Variants in EDIL3 observed in about 807,000 individuals in gnomAD.
The protein encoded by EDIL3 is EGF like and discoidin domains 3.
EDIL3 carries 37 observed loss-of-function variants against 67.4 expected under a neutral mutation model. The ratio of observed to expected loss-of-function variants is 0.55; its 90% CI spans 0.42 to 0.72. EDIL3 has a LOEUF of 0.72. Among genes scored for constraint, EDIL3 ranks in the 30% least tolerant of loss-of-function variants. EDIL3 has a pLI of 0.00. For synonymous variants in EDIL3, 195 were observed against 196.3 expected (o/e 0.99, Z 0.05); for missense variants, 527 against 586.3 (o/e 0.90, Z 1.04).
intron 6 of EDIL3, among the ~76,000 whole-genome samples, chr5:84,080,038 G>A (rs1746933011): frequency 2.0e-5 from 3 of 147,386 alleles, no homozygotes; most frequent in African/African-American, 5.0e-5. Flanking sequence ...TTGGGAGGCC[G>A]AGGCGGGCGG....
Position 84,217,719 on chromosome 5 carries a change from CAA to C in EDIL3, c.226+12134_226+12135del, listed in dbSNP as rs1491443890. Among the ~76,000 whole-genome samples, 484 of 127,050 alleles carry C rather than the reference CAA, an allele frequency of 3.8e-3. 2 individuals carry two copies. Among genetic ancestry groups the C allele is most frequent in the African/African-American group, 0.015 (461 of 31,162 alleles). 83.3% of individuals were successfully genotyped at this position (127,050 alleles called of 152,430 possible). On this transcript the variant is annotated intron_variant, in intron 3 of 10. Coordinates refer to ENST00000296591, the MANE Select transcript of EDIL3 (RefSeq NM_005711.5). The stretch of plus-strand genomic sequence containing the variant: ...CTTACCCATCTATCTATTATACACA[CAA>C]ACACACACACACACACACACACACA...
rs192566040 is a variant in EDIL3, at chr5:83,970,078, G to C, written c.1138-6718C>G. On this transcript the variant is annotated intron_variant, in intron 9 of 10. Coordinates refer to ENST00000296591, the MANE Select transcript of EDIL3 (RefSeq NM_005711.5). ...AACTTCCCAGTCTGTAGTATCCTCTGTTCTACTTTTTACTTCTATGAGATC... is the reference window on the plus strand; with the variant it reads ...AACTTCCCAGTCTGTAGTATCCTCTCTTCTACTTTTTACTTCTATGAGATC... Among the ~76,000 whole-genome samples the C allele has an allele frequency of 4.0e-5, 6 of 151,494 alleles. No individual in the cohort carries two copies. The East Asian group carries it at 9.7e-4, about 25-fold the overall frequency.
intron 9 of EDIL3, among the ~76,000 whole-genome samples, chr5:83,994,025 A>G (rs144411811): frequency 6.6e-6 from 1 of 152,172 alleles, no homozygotes; most frequent in Non-Finnish European, 1.5e-5. Context: ...AACTATGTGC[A>G]GTGCTCTTAA....
chr5:84,205,521 T>C (rs115858297), intron 3 of EDIL3, among the ~76,000 whole-genome samples: 2,888 of 152,310 alleles, frequency 0.019, 98 homozygotes, highest in African/African-American at 0.066. Flanking sequence ...TTGACTCTTT[T>C]GCTGTGAATC....
intron 1 of EDIL3, among the ~76,000 whole-genome samples, chr5:84,337,958 C>T (rs182355230): frequency 6.0e-4 from 91 of 152,224 alleles, no homozygotes; most frequent in Middle Eastern, 3.4e-3. Flanking sequence ...ATTTAAGACA[C>T]GCTTCTGTGT....
In EDIL3 at chr5:84,361,800, C is replaced by G. The variant is rs114215248; in HGVS notation, c.67+22508G>C. Among the ~76,000 whole-genome samples, 477 of 151,766 alleles carry G rather than the reference C, an allele frequency of 3.1e-3. 4 individuals carry two copies. Among genetic ancestry groups the G allele is most frequent in the African/African-American group, 0.011 (467 of 41,438 alleles). The stretch of plus-strand genomic sequence containing the variant: ...TACCAAAGTGCTGAACAATCTATAT[C>G]CTTTATAACTTACTTTGTGTTTTAA... On this transcript the variant is annotated intron_variant, in intron 1 of 10. Coordinates refer to ENST00000296591, the MANE Select transcript of EDIL3 (RefSeq NM_005711.5).
chr5:84,292,975 G>T (rs1052391489), intron 1 of EDIL3, among the ~76,000 whole-genome samples: 4 of 152,074 alleles, frequency 2.6e-5, no homozygotes, highest in African/African-American at 9.7e-5. Context: ...CTTCCCAGAC[G>T]TTGCCTAAAG....
At chr5:84,201,081 C>A (rs1203816875) in intron 3 of EDIL3, among the ~76,000 whole-genome samples, 4 of 151,946 alleles carry the variant, frequency 2.6e-5, no homozygotes, top group Non-Finnish European at 5.9e-5. Context: ...TATCTTAAAT[C>A]TCAAATAAAT....
chr5:83,970,566 A>G (rs1180604777), intron 9 of EDIL3, among the ~76,000 whole-genome samples: 1 of 143,600 alleles, frequency 7.0e-6, no homozygotes, highest in Non-Finnish European at 1.5e-5. Context: ...TTTCCTTTCA[A>G]GTTTTATTTT....
At chr5:84,140,412 T>C (rs1020459246) in intron 4 of EDIL3, among the ~76,000 whole-genome samples, 3 of 152,156 alleles carry the variant, frequency 2.0e-5, no homozygotes, top group Non-Finnish European at 2.9e-5. Flanking sequence ...TCCTTAAATC[T>C]TCCAAGTCTT....
intron 1 of EDIL3, among the ~76,000 whole-genome samples, chr5:84,340,526 CTCTCTCTCTA>C (rs1287772564): frequency 6.1e-4 from 44 of 72,388 alleles, no homozygotes; most frequent in South Asian, 2.4e-3. Context: ...CTCTCTCTCT[CTCTCTCTCTA>C]TATATATATA....
chr5:84,009,013 A>G (rs899682870), intron 9 of EDIL3, among the ~76,000 whole-genome samples: 3 of 151,986 alleles, frequency 2.0e-5, no homozygotes, highest in African/African-American at 4.8e-5. Context: ...GAGTCTCACT[A>G]TGTTGCCCAG....
intron 4 of EDIL3, among the ~76,000 whole-genome samples, chr5:84,159,069 C>T (rs1748542487): frequency 6.6e-6 from 1 of 152,066 alleles, no homozygotes; most frequent in Admixed American, 6.6e-5. Flanking sequence ...TTAACGATAT[C>T]CCCATTGCCA....
intron 4 of EDIL3, among the ~76,000 whole-genome samples, chr5:84,140,553 C>T (rs1748170833): frequency 6.6e-6 from 1 of 152,004 alleles, no homozygotes; most frequent in Non-Finnish European, 1.5e-5. Flanking sequence ...TAATTAAGGA[C>T]ATCCGATTCT....
chr5:84,294,552 A>G (rs1746002626), intron 1 of EDIL3, among the ~76,000 whole-genome samples: 1 of 151,800 alleles, frequency 6.6e-6, no homozygotes, highest in Non-Finnish European at 1.5e-5. Context: ...ATATATGTGC[A>G]TACATATATA....
At chr5:84,054,674 C>G (rs1304885521) in intron 9 of EDIL3, among the ~76,000 whole-genome samples, 60 of 152,128 alleles carry the variant, frequency 3.9e-4, no homozygotes, top group Non-Finnish European at 1.3e-4. Flanking sequence ...AACAGACAAA[C>G]AGAGAGCCAA....
At chr5:84,305,823 G>A (rs1746255133) in intron 1 of EDIL3, among the ~76,000 whole-genome samples, 2 of 151,980 alleles carry the variant, frequency 1.3e-5, no homozygotes, top group African/African-American at 4.8e-5. Flanking sequence ...AGGTTGCAGT[G>A]ATCCAAAATC....
At chr5:84,273,492 C>T (rs576630711) in intron 1 of EDIL3, among the ~76,000 whole-genome samples, 8 of 152,120 alleles carry the variant, frequency 5.3e-5, no homozygotes, top group South Asian at 4.1e-4. Context: ...CAGCGTCTGC[C>T]TGATAAGGTG....
In EDIL3 at chr5:84,060,439, T is replaced by C; in HGVS notation, c.998A>G (p.Tyr333Cys). ...LGMKSGHIQD[Y>C]QITASSIFRT... ...GAAGATGCTGGAGGCAGTGATCTGA[T>C]AGTCTTGTATATGTCCTGATTTCAT... Residue 333 changes from tyrosine (Y) to cysteine (C), a missense_variant, in exon 9 of 11, where the codon TAT becomes TGT. Tyr to Cys is a radical substitution (Grantham distance 194). This residue lies in a region of EDIL3 where 494 missense variants were observed against 522.5 expected (regional missense o/e 0.95). Transcript: ENST00000296591. The C allele has an allele frequency of 1.2e-6, 2 of 1,613,746 alleles. No homozygotes were observed. The highest frequency in any genetic ancestry group is 1.7e-6 in the Non-Finnish European group (2 of 1,179,800).
Sources: allele counts gnomAD v4.1 joint callset (sites outside exome capture counted in the v4.1 genomes callset), GRCh38; gene constraint gnomAD v4.1.1; regional missense constraint gnomAD v4.1.1; transcripts MANE v1.5; gene names NCBI Gene and HGNC (gene_info 2026-07-23, HGNC 2026-07-21).